CDK13: variants seen among roughly 807,000 people sequenced by gnomAD.
CDK13 encodes cyclin dependent kinase 13.
In CDK13, 40 loss-of-function variants were observed where a neutral mutation model predicts 137.6. The observed-to-expected ratio is 0.29, with a 90% confidence interval of 0.23 to 0.38. CDK13 has a LOEUF of 0.38. CDK13 is among the 10% of genes least tolerant of loss of function. The probability of loss-of-function intolerance (pLI) is 1.00; values close to 1 mark genes in which losing one functional copy is unlikely to be tolerated. For synonymous variants in CDK13, 869 were observed against 760.1 expected, an observed-to-expected ratio of 1.14 and a Z score of -2.36; for missense variants, 1,704 against 1,951.8, an observed-to-expected ratio of 0.87 and a Z score of 2.39.
At chr7:40,017,437 G>A (rs949975389) in intron 5 of CDK13, among the ~76,000 whole-genome samples, 7 of 151,988 alleles carry the variant, frequency 4.6e-5, no homozygotes, top group African/African-American at 9.7e-5. Context: ...GTGGGAATAG[G>A]TACTTTACTG....
chr7:40,043,750 G>A (rs1785667532), intron 5 of CDK13, among the ~76,000 whole-genome samples: 1 of 151,718 alleles, frequency 6.6e-6, no homozygotes, highest in African/African-American at 2.4e-5. Context: ...GATCACTTGA[G>A]CTCAGAGGTC....
intron 13 of CDK13, 123 bp from the exon 14 acceptor site, chr7:40,094,007 A>T: frequency 8.4e-7 from 1 of 1,189,282 alleles, no homozygotes; most frequent in Non-Finnish European, 1.2e-6. Flanking sequence ...TTTTTCATTT[A>T]ACATTTTGCC....
chr7:40,002,467 TA>T (rs1784702702), intron 5 of CDK13, among the ~76,000 whole-genome samples: 1 of 152,130 alleles, frequency 6.6e-6, no homozygotes, highest in African/African-American at 2.4e-5. Context: ...TTTAATAATC[TA>T]TAGTGGGGTA....
intron 9 of CDK13, among the ~76,000 whole-genome samples, chr7:40,069,139 A>G (rs1314040264): frequency 2.0e-5 from 3 of 152,166 alleles, no homozygotes; most frequent in South Asian, 2.1e-4. Flanking sequence ...AGGCTGCGGT[A>G]CAAGGATCAC....
At chr7:40,030,053 C>G (rs927679134) in intron 5 of CDK13, among the ~76,000 whole-genome samples, 1 of 152,114 alleles carries the variant, frequency 6.6e-6, no homozygotes, top group Non-Finnish European at 1.5e-5. Flanking sequence ...CCCTTTTGCT[C>G]TGATTCTTTC....
chr7:39,961,741 T>A (rs905997946), intron 1 of CDK13, among the ~76,000 whole-genome samples: 9 of 152,092 alleles, frequency 5.9e-5, no homozygotes, highest in Non-Finnish European at 1.0e-4. Context: ...ACCCATTAAC[T>A]CATCATTTAA....
chr7:40,004,379 C>A (rs1459762890), intron 5 of CDK13, among the ~76,000 whole-genome samples: 1 of 152,074 alleles, frequency 6.6e-6, no homozygotes, highest in African/African-American at 2.4e-5. Context: ...GTTTGTAATT[C>A]TATGCATCAT....
chr7:40,092,108 AC>A (rs1202479880), intron 12 of CDK13: 4 of 134,286 alleles, frequency 3.0e-5, no homozygotes, highest in Non-Finnish European at 3.4e-5. Context: ...ACCCAAAGTT[AC>A]AAAAAAAAAA....
At chr7:40,018,580 A>C (rs1214312747) in intron 5 of CDK13, among the ~76,000 whole-genome samples, 1 of 152,184 alleles carries the variant, frequency 6.6e-6, no homozygotes, top group African/African-American at 2.4e-5. Flanking sequence ...CTCAGCCATA[A>C]AAAAGAATGA....
chr7:39,991,328 A>T (rs896608550), intron 2 of CDK13, among the ~76,000 whole-genome samples: 2 of 152,230 alleles, frequency 1.3e-5, no homozygotes, highest in African/African-American at 4.8e-5. Flanking sequence ...TACTCACTGT[A>T]AATGTAAAGA....
At chr7:40,093,306 T>G in intron 13 of CDK13, 69 bp downstream of exon 13, 1 of 1,211,608 alleles carries the variant, frequency 8.3e-7, no homozygotes, top group Admixed American at 2.1e-5. Context: ...GCTGACTATA[T>G]ATAATGTGTA....
intron 1 of CDK13, among the ~76,000 whole-genome samples, chr7:39,966,041 G>A (rs1384965568): frequency 1.3e-5 from 2 of 152,150 alleles, no homozygotes; most frequent in Non-Finnish European, 2.9e-5. Context: ...CTCTCTGGCT[G>A]CCCTTAACAT....
chr7:40,042,824 C>T (rs1785643013), intron 5 of CDK13, among the ~76,000 whole-genome samples: 1 of 151,384 alleles, frequency 6.6e-6, no homozygotes, highest in Non-Finnish European at 1.5e-5. Flanking sequence ...CCTTCTGTCA[C>T]CCAGGCTGGA....
intron 9 of CDK13, among the ~76,000 whole-genome samples, chr7:40,074,351 T>C (rs1356302009): frequency 6.6e-6 from 1 of 151,866 alleles, no homozygotes; most frequent in African/African-American, 2.4e-5. Flanking sequence ...TGAAACCCTG[T>C]CTCTACTAAA....
chr7:40,089,438 A>G (rs200346542), intron 12 of CDK13, among the ~76,000 whole-genome samples: 1 of 8,262 alleles, frequency 1.2e-4, no homozygotes, highest in Non-Finnish European at 4.3e-4. Flanking sequence ...AGACTGTCTC[A>G]AAAAAAAAAA....
At chr7:39,992,275 G>T (rs1784480226) in intron 2 of CDK13, among the ~76,000 whole-genome samples, 1 of 151,736 alleles carries the variant, frequency 6.6e-6, no homozygotes, top group African/African-American at 2.4e-5. Context: ...TAGGCTCGCT[G>T]CAACCTCCGC....
intron 7 of CDK13, among the ~76,000 whole-genome samples, chr7:40,052,227 A>C (rs374969153): frequency 1.5e-3 from 236 of 152,344 alleles, no homozygotes; most frequent in African/African-American, 5.6e-3. Context: ...CTCAAGCTGC[A>C]GTGCACTGGT....
intron 5 of CDK13, among the ~76,000 whole-genome samples, chr7:40,014,456 T>C (rs1490902002): frequency 4.1e-5 from 6 of 147,098 alleles, no homozygotes; most frequent in African/African-American, 1.5e-4. Flanking sequence ...CTCTCTCTTT[T>C]TTTTTTTTTT....
chr7:39,992,332 G>A (rs1467058592), intron 2 of CDK13, among the ~76,000 whole-genome samples: 4 of 151,932 alleles, frequency 2.6e-5, no homozygotes, highest in African/African-American at 9.7e-5. Flanking sequence ...GGAGTAGCTG[G>A]GGTTACAGGC....
Sources: gnomAD v4.1 joint callset for allele counts (sites outside exome capture counted in the v4.1 genomes callset) on GRCh38, gnomAD v4.1.1 for gene constraint, MANE v1.5 for transcripts, NCBI Gene and HGNC (gene_info 2026-07-23, HGNC 2026-07-21) for gene names.